Variants in TNIK observed in about 807,000 individuals in gnomAD.
TNIK encodes the protein TRAF2 and NCK-interacting protein kinase.
TNIK carries 49 observed loss-of-function variants against 191.3 expected under a neutral mutation model. The observed-to-expected ratio is 0.26, with a 90% CI of 0.20 to 0.32. The LOEUF is 0.32. TNIK is among the 10% of genes least tolerant of loss of function. The pLI is 1.00. For synonymous variants in TNIK, 594 were observed against 600.9 expected (o/e 0.99, Z 0.17); for missense variants, 1,155 against 1,702.3 (o/e 0.68, Z 5.66).
intron 1 of TNIK, among the ~76,000 whole-genome samples, chr3:171,402,590 T>G (rs1721092113): frequency 6.6e-6 from 1 of 152,206 alleles, no homozygotes; most frequent in South Asian, 2.1e-4. Flanking sequence ...CGTGATATAG[T>G]GAACAATGTC....
At position 171,167,246 on chromosome 3, in the gene TNIK, A is replaced by G. The variant is rs893589715; in HGVS notation, c.798T>C (p.Ile266=). 1 of 1,612,966 alleles carries G rather than the reference A, an allele frequency of 6.2e-7. No individual in the cohort carries two copies. The highest frequency in any genetic ancestry group is 8.5e-7 in the Non-Finnish European group (1 of 1,179,564). ...KKWSKKFQSF[I]ESCLVKNHSQ... is the part of the protein sequence containing the mutation. Reference sequence around the variant, plus strand: ...TGTGATTCTTTACCAAGCAGCTCTCAATAAATGACTGGAATTTTTTTGACC... The same window carrying G: ...TGTGATTCTTTACCAAGCAGCTCTCGATAAATGACTGGAATTTTTTTGACC... The change falls in exon 10 of 33, where the codon ATT becomes ATC. Residue 266 remains isoleucine (I), a synonymous_variant. Transcript: ENST00000436636.
intron 1 of TNIK, among the ~76,000 whole-genome samples, chr3:171,382,068 A>G (rs1406079948): frequency 1.3e-5 from 2 of 152,214 alleles, no homozygotes; most frequent in South Asian, 2.1e-4. Context: ...TGTTTGAAGC[A>G]GCTGAAATCT....
chr3:171,342,192 G>T (rs566528204), intron 2 of TNIK, among the ~76,000 whole-genome samples: 2 of 152,192 alleles, frequency 1.3e-5, no homozygotes, highest in South Asian at 4.1e-4. Flanking sequence ...TGGAGGGTTT[G>T]TTACCCACAA....
chr3:171,385,255 G>A (rs1208263537), intron 1 of TNIK, among the ~76,000 whole-genome samples: 2 of 151,958 alleles, frequency 1.3e-5, no homozygotes, highest in African/African-American at 2.4e-5. Context: ...GAGTGGGAGG[G>A]GACACCAGCT....
intron 12 of TNIK, among the ~76,000 whole-genome samples, chr3:171,145,779 C>CTTTTTTTTTTTTTTTTTTTTTTTTTTTTT (rs397875512): frequency 7.5e-6 from 1 of 133,404 alleles, no homozygotes. Flanking sequence ...TCAGTCTTTC[C>CTTTTTTTTTTTTTTTTTTTTTTTTTTTTT]TTTTTTTTTT....
chr3:171,249,732 C>T (rs1279253796), intron 2 of TNIK, among the ~76,000 whole-genome samples: 1 of 152,184 alleles, frequency 6.6e-6, no homozygotes, highest in Non-Finnish European at 1.5e-5. Flanking sequence ...TGCAGGAAAG[C>T]ATATACAGTT....
At chr3:171,283,060 C>T (rs539527302) in intron 2 of TNIK, among the ~76,000 whole-genome samples, 3 of 151,882 alleles carry the variant, frequency 2.0e-5, no homozygotes, top group Non-Finnish European at 4.4e-5. Context: ...GAAAACGTGA[C>T]CTTTATCAAG....
chr3:171,238,478 G>A (rs754544771), intron 2 of TNIK, among the ~76,000 whole-genome samples: 1 of 151,900 alleles, frequency 6.6e-6, no homozygotes, highest in Non-Finnish European at 1.5e-5. Flanking sequence ...TTTCAGCGGG[G>A]CAACTTTGCT....
intron 12 of TNIK, among the ~76,000 whole-genome samples, chr3:171,156,114 T>A (rs369993883): frequency 1.5e-4 from 23 of 152,324 alleles, no homozygotes; most frequent in African/African-American, 5.5e-4. Context: ...GCATGAGAGA[T>A]AATCAATACA....
chr3:171,301,982 G>A (rs977844666), intron 2 of TNIK, among the ~76,000 whole-genome samples: 5 of 152,172 alleles, frequency 3.3e-5, no homozygotes, highest in Non-Finnish European at 7.3e-5. Context: ...CGTATGGGAG[G>A]AGACACAAAA....
At chr3:171,439,553 A>G (rs1259921199) in intron 1 of TNIK, 1 of 152,158 alleles carries the variant, frequency 6.6e-6, no homozygotes, top group East Asian at 1.9e-4. Context: ...GTGGTCACAA[A>G]GTATATTAGC....
chr3:171,328,568 T>C (rs1402903641), intron 2 of TNIK, among the ~76,000 whole-genome samples: 39 of 152,190 alleles, frequency 2.6e-4, no homozygotes, highest in Admixed American at 2.6e-3. Flanking sequence ...TTGGCAGGAA[T>C]CAAATATTCA....
chr3:171,081,542 G>A (rs1382076165), intron 27 of TNIK, among the ~76,000 whole-genome samples: 1 of 147,612 alleles, frequency 6.8e-6, no homozygotes, highest in Non-Finnish European at 1.5e-5. Context: ...GCAGTAGCAA[G>A]TTGGTTCCAT....
chr3:171,320,421 A>G (rs1270160503), intron 2 of TNIK, among the ~76,000 whole-genome samples: 3 of 152,218 alleles, frequency 2.0e-5, no homozygotes, highest in Non-Finnish European at 4.4e-5. Flanking sequence ...CCAGGAAAAA[A>G]GCTGACCTGG....
intron 12 of TNIK, among the ~76,000 whole-genome samples, chr3:171,144,192 T>C (rs1731226562): frequency 6.6e-6 from 1 of 152,228 alleles, no homozygotes; most frequent in African/African-American, 2.4e-5. Flanking sequence ...TTGCTAAAAG[T>C]TATATTCCTT....
intron 2 of TNIK, among the ~76,000 whole-genome samples, chr3:171,362,392 A>G (rs529611194): frequency 6.6e-6 from 1 of 152,152 alleles, no homozygotes; most frequent in South Asian, 2.1e-4. Context: ...CATTACTTTT[A>G]ATGGCAAAAA....
In TNIK at chr3:171,141,684, C is replaced by T. The variant is rs1489751526; in HGVS notation, c.1222-1175G>A. Among the ~76,000 whole-genome samples, 8 of 152,354 alleles carry T rather than the reference C, an allele frequency of 5.3e-5. No individual in the cohort carries two copies. The East Asian group carries it at 1.5e-3, about 29-fold the overall frequency. On this transcript the variant is annotated intron_variant, in intron 12 of 32. Coordinates refer to ENST00000436636, the MANE Select transcript of TNIK (RefSeq NM_015028.4). The stretch of plus-strand genomic sequence containing the variant: ...TCCTGTGCAAGGCACAGGATTGTCA[C>T]ATATTACCAAGTCTTTTCCCATACA...
chr3:171,179,663 G>T (rs887976530), intron 7 of TNIK, among the ~76,000 whole-genome samples: 1 of 152,028 alleles, frequency 6.6e-6, no homozygotes, highest in African/African-American at 2.4e-5. Flanking sequence ...TGTTAGTCAG[G>T]ATGGTCTTGA....
rs191595999 is a variant in TNIK, at chr3:171,424,726, C to T, written c.57+35281G>A. 1.9e-3 allele frequency among the ~76,000 whole-genome samples: 290 copies of T among 150,928 alleles called. 1 individual carries two copies. The highest frequency in any genetic ancestry group is 6.4e-3 in the African/African-American group (265 of 41,118). On this transcript the variant is annotated intron_variant, in intron 1 of 32. Transcript: ENST00000436636. ...GAAACCATCATTCTCAGCAAACTAT[C>T]GCAAGGACAAAAAACCAAACACCGC...
Sources: gnomAD v4.1 joint callset for allele counts (sites outside exome capture counted in the v4.1 genomes callset) on GRCh38, gnomAD v4.1.1 for gene constraint, MANE v1.5 for transcripts, NCBI Gene and HGNC (gene_info 2026-07-23, HGNC 2026-07-21) for gene names.